TBC1D16: variants seen among roughly 807,000 people sequenced by gnomAD.
TBC1D16 encodes TBC1 domain family member 16, also known as CTD-2529O21.1.
A neutral mutation model predicts 74.7 loss-of-function variants in TBC1D16; 58 were observed. The observed-to-expected ratio is 0.78, with a 90% CI of 0.63 to 0.97. The LOEUF is 0.97. Among genes scored for constraint, TBC1D16 ranks in the 50% least tolerant of loss-of-function variants. The pLI is 0.00. For missense variants in TBC1D16, 1,014 were observed against 1,079.5 expected, an observed-to-expected ratio of 0.94 and a Z score of 0.85; for synonymous variants, 493 against 474.7, an observed-to-expected ratio of 1.04 and a Z score of -0.50.
Position 79,949,740 on chromosome 17 carries a change from C to T in TBC1D16, c.1383G>A (p.Glu461=), listed in dbSNP as rs746712008. The T allele has an allele frequency of 6.2e-7, 1 of 1,612,666 alleles. No individual in the cohort carries two copies. Among genetic ancestry groups the T allele is most frequent in the South Asian group, 1.1e-5 (1 of 91,066 alleles). ...REALRLQKRK[E]YSEIQQKRLS... ...ACCTTTTCTGCTGGATCTCAGAGTACTCCTTTCGCTTCTGCAGCCGCAGCG... is the reference window on the plus strand; with the variant it reads ...ACCTTTTCTGCTGGATCTCAGAGTATTCCTTTCGCTTCTGCAGCCGCAGCG... Residue 461 remains glutamate (E), a synonymous_variant, in exon 7 of 12, where the codon GAG becomes GAA. Coordinates refer to ENST00000310924, the MANE Select transcript of TBC1D16 (RefSeq NM_019020.4).
In TBC1D16 at chr17:79,941,831, G is replaced by C. The variant is rs2032026379; in HGVS notation, c.2055+229C>G. On this transcript the variant is annotated intron_variant, in intron 11 of 11. Transcript: ENST00000310924. The surrounding 1 kb of genome is among the most constrained non-coding windows in gnomAD (Gnocchi z 4.3). ...CTCCTGTGTCAGGGCTGGCACCCCA[G>C]GAAAGTGAGGTGACACAGCCAGGCC... Among the ~76,000 whole-genome samples the C allele has an allele frequency of 6.6e-6, 1 of 151,764 alleles. No homozygotes were observed. The highest frequency in any genetic ancestry group is 2.1e-4 in the South Asian group (1 of 4,836).
rs748935195 is a variant in TBC1D16, at chr17:79,951,557, G to A, written c.982C>T (p.Arg328Ter). Residue 328 changes from arginine (R) to a stop codon, truncating the protein, a stop_gained, in exon 5 of 12, where the codon CGA (arginine) becomes TGA (stop). Transcript: ENST00000310924. LOFTEE classifies it high-confidence loss of function. ...CTSGQLVVASRESQYKVFHFH... is the reference protein window; with the variant it reads ...CTSGQLVVAS ...TGGAAAACCTTGTACTGGCTCTCTC[G>A]GCTGGCAACGACCAGCTGGCCGCTG... 3.1e-6 allele frequency: 5 copies of A among 1,613,992 alleles called. No individual in the cohort carries two copies. Among genetic ancestry groups the A allele is most frequent in the East Asian group, 2.2e-5 (1 of 44,882 alleles).
chr17:79,950,945 G>C lies in TBC1D16; in HGVS notation c.1090-367C>G. The C allele has an allele frequency of 8.4e-7, 1 of 1,185,926 alleles. No individual in the cohort carries two copies. Among genetic ancestry groups the C allele is most frequent in the South Asian group, 1.6e-5 (1 of 61,846 alleles). The allele number at this position is 1,185,926 out of a possible 1,614,324, so 73.5% of individuals were successfully genotyped here. On this transcript the variant is annotated intron_variant, in intron 5 of 11. Transcript: ENST00000310924. The surrounding 1 kb of genome is among the most constrained non-coding windows in gnomAD (Gnocchi z 4.6). ...ACATACAAAGGGATCGCTGTTCTGC[G>C]AGCAGGGAGCCAGCCTGTCAGATTG... is the stretch of plus-strand genomic sequence containing the variant.
intron 1 of TBC1D16, chr17:80,025,792 C>T (rs900707931): frequency 1.3e-5 from 2 of 149,826 alleles, no homozygotes; most frequent in African/African-American, 2.6e-5. Flanking sequence ...CGGTGTCACA[C>T]GGTTCCTTCT....
rs1235308569 is a variant in TBC1D16 at position 79,986,971 on chromosome 17, C to A, written c.779+23189G>T. On this transcript the variant is annotated intron_variant, in intron 3 of 11. Transcript: ENST00000310924. The surrounding 1 kb of genome is among the most constrained non-coding windows in gnomAD (Gnocchi z 6.0). ...TTCCCGGGATGGCCTTGTAGCAAAT[C>A]CATCTGGGATATGTTTTGTTTCCAC... Among the ~76,000 whole-genome samples the A allele has an allele frequency of 6.6e-6, 1 of 152,242 alleles. No individual in the cohort carries two copies. The highest frequency in any genetic ancestry group is 1.5e-5 in the Non-Finnish European group (1 of 68,046).
In TBC1D16 at chr17:79,979,725, C is replaced by T. The variant is rs2034498581; in HGVS notation, c.780-26907G>A. ...CAGGCCGCAAATCCCACGGTTCTCA[C>T]TAGGAGCAGGAAAGGACCCTGGTCT... is the stretch of plus-strand genomic sequence containing the variant. On this transcript the variant is annotated intron_variant, in intron 3 of 11. Coordinates refer to ENST00000310924, the MANE Select transcript of TBC1D16 (RefSeq NM_019020.4). This position sits in a 1 kb window ranked among gnomAD's most constrained non-coding sequence, Gnocchi z 4.8. Among the ~76,000 whole-genome samples, 1 of 151,930 alleles carries T rather than the reference C, an allele frequency of 6.6e-6. No homozygotes were observed. Among genetic ancestry groups the T allele is most frequent in the South Asian group, 2.1e-4 (1 of 4,808 alleles).
In TBC1D16 at chr17:80,013,466, C is replaced by T. The variant is rs760037296; in HGVS notation, c.82G>A (p.Gly28Arg). The T allele has an allele frequency of 1.0e-5, 16 of 1,595,974 alleles. No homozygotes were observed. Among genetic ancestry groups the T allele is most frequent in the African/African-American group, 5.4e-5 (4 of 74,674 alleles). ...LTLTPGGSGSGSPSVLDGEII... is the reference protein window; with the variant it reads ...LTLTPGGSGSRSPSVLDGEII... ...TCTCCATCCAGGACAGAGGGGGACC[C>T]GCTGCCGCTGCCACCGGGGGTGAGG... Residue 28 changes from glycine to arginine, a missense_variant, in exon 2 of 12, where the codon GGG (glycine) becomes AGG (arginine). Transcript: ENST00000310924.
rs770393153 is a variant in TBC1D16 at position 80,008,196 on chromosome 17, C to T, written c.779+1964G>A. 4.6e-5 allele frequency among the ~76,000 whole-genome samples: 7 copies of T among 152,024 alleles called. No homozygotes were observed. Among genetic ancestry groups the T allele is most frequent in the Admixed American group, 1.3e-4 (2 of 15,264 alleles). ...GTTGAAGAACCAGCAAGGCGAAGGG[C>T]GGGGAAAAGCGAACCGGGGTGCATT... On this transcript the variant is annotated intron_variant, in intron 3 of 11. Transcript: ENST00000310924. The surrounding 1 kb of genome is among the most constrained non-coding windows in gnomAD (Gnocchi z 4.5).
chr17:80,003,659 A>C (rs1435327847), intron 3 of TBC1D16, among the ~76,000 whole-genome samples: 1 of 151,916 alleles, frequency 6.6e-6, no homozygotes, highest in Admixed American at 6.6e-5. Flanking sequence ...AAAAAAAAAA[A>C]GTGCTCATAA....
Position 79,994,878 on chromosome 17 carries a change from A to G in TBC1D16, c.779+15282T>C, listed in dbSNP as rs899808420. On this transcript the variant is annotated intron_variant, in intron 3 of 11. Transcript: ENST00000310924. The surrounding 1 kb of genome is among the most constrained non-coding windows in gnomAD (Gnocchi z 4.6). ...AGGACTTGGTAAACAGAGAGAATGT[A>G]AAACACTTCCCATCGGCGGCCGTGT... Among the ~76,000 whole-genome samples, 1 of 152,258 alleles carries G rather than the reference A, an allele frequency of 6.6e-6. No individual in the cohort carries two copies. Among genetic ancestry groups the G allele is most frequent in the Non-Finnish European group, 1.5e-5 (1 of 68,046 alleles).
chr17:79,941,144 G>C lies in TBC1D16; in HGVS notation c.2056-37C>G. The C allele has an allele frequency of 6.6e-7, 1 of 1,521,164 alleles. No homozygotes were observed. The highest frequency in any genetic ancestry group is 2.4e-5 in the East Asian group (1 of 40,992). 94.2% of individuals were successfully genotyped at this position (1,521,164 alleles called of 1,614,324 possible). ...GGACGGGGGGTGAGGAGGGGCCGGG[G>C]GACAGCCTGGCAGCCTAGGGTCCCC... On this transcript the variant is annotated intron_variant, in intron 11 of 11. Coordinates refer to ENST00000310924, the MANE Select transcript of TBC1D16 (RefSeq NM_019020.4). This position sits in a 1 kb window ranked among gnomAD's most constrained non-coding sequence, Gnocchi z 4.3.
intron 10 of TBC1D16, among the ~76,000 whole-genome samples, chr17:79,943,629 A>G (rs12450588): frequency 0.91 from 135,725 of 149,764 alleles, 61,534 homozygotes; most frequent in East Asian, 0.97. Flanking sequence ...TGGCTAAATC[A>G]AGCCCACAGT....
intron 3 of TBC1D16, among the ~76,000 whole-genome samples, chr17:79,966,655 C>T (rs1412181674): frequency 6.6e-6 from 1 of 152,204 alleles, no homozygotes; most frequent in Non-Finnish European, 1.5e-5. Flanking sequence ...CCCTTTATCC[C>T]TTGGAAAATC....
In TBC1D16 at chr17:79,933,994, T is replaced by G. The variant is rs1274353271; in HGVS notation, c.*6865A>C. ...TGTGCGGCTGGTTGAGTGTAAACGC[T>G]GAGTCATGCTCGCTGCCCAGCTGTG... On this transcript the variant is annotated 3_prime_UTR_variant, in exon 12 of 12. Coordinates refer to ENST00000310924, the MANE Select transcript of TBC1D16 (RefSeq NM_019020.4). The G allele has an allele frequency of 4.6e-5, 7 of 152,198 alleles. No homozygotes were observed. Among genetic ancestry groups the G allele is most frequent in the Admixed American group, 3.9e-4 (6 of 15,290 alleles). 9.4% of individuals were successfully genotyped at this position (152,198 alleles called of 1,614,324 possible). A position where few individuals can be genotyped will look rare whatever the true frequency, so the allele number is the denominator to read the frequency against.
At chr17:79,969,844 A>G (rs2034002999) in intron 3 of TBC1D16, among the ~76,000 whole-genome samples, 1 of 152,324 alleles carries the variant, frequency 6.6e-6, no homozygotes, top group South Asian at 2.1e-4. Flanking sequence ...TGGGAGGCCG[A>G]GGCAGGAGAA....
Position 80,007,295 on chromosome 17 carries a change from C to T in TBC1D16, c.779+2865G>A, listed in dbSNP as rs775991486. Among the ~76,000 whole-genome samples, 13 of 152,156 alleles carry T rather than the reference C, an allele frequency of 8.5e-5. No homozygotes were observed. Among genetic ancestry groups the T allele is most frequent in the Non-Finnish European group, 1.8e-4 (12 of 68,016 alleles). ...GTGGGGACGAGTCCCAGGCCAGGCT[C>T]GCTGACCCCATACCCCAGGCTGGTG... On this transcript the variant is annotated intron_variant, in intron 3 of 11. Transcript: ENST00000310924. This position sits in a 1 kb window ranked among gnomAD's most constrained non-coding sequence, Gnocchi z 4.5.
chr17:79,973,603 A>C (rs2034206803), intron 3 of TBC1D16, among the ~76,000 whole-genome samples: 1 of 151,976 alleles, frequency 6.6e-6, no homozygotes, highest in Admixed American at 6.6e-5. Flanking sequence ...CCAGCTACTC[A>C]GGAGGCTGAG....
chr17:79,991,520 C>T (rs1310069194), intron 3 of TBC1D16, among the ~76,000 whole-genome samples: 2 of 152,136 alleles, frequency 1.3e-5, no homozygotes, highest in Non-Finnish European at 2.9e-5. Context: ...ACCAGGGGGA[C>T]CTGGCCCAAG....
In TBC1D16 at chr17:79,944,781, T is replaced by G; in HGVS notation, c.1908+127A>C. 1 of 851,452 alleles carries G rather than the reference T, an allele frequency of 1.2e-6. No homozygotes were observed. The highest frequency in any genetic ancestry group is 1.8e-6 in the Non-Finnish European group (1 of 569,496). The allele number at this position is 851,452 out of a possible 1,614,324, so 52.7% of individuals were successfully genotyped here. On this transcript the variant is annotated intron_variant, in intron 10 of 11. Coordinates refer to ENST00000310924, the MANE Select transcript of TBC1D16 (RefSeq NM_019020.4). The surrounding 1 kb of genome is among the most constrained non-coding windows in gnomAD (Gnocchi z 7.7). ...ACGTGGGACGGGAAGGCAGTCGCCG[T>G]ATGGGGGGCTAATGTGTGGCTGTGG...
Sources: gnomAD v4.1 joint callset for allele counts (sites outside exome capture counted in the v4.1 genomes callset) on GRCh38, gnomAD v4.1.1 for gene constraint, Gnocchi (gnomAD v3.1) non-coding constraint, MANE v1.5 for transcripts, NCBI Gene and HGNC (gene_info 2026-07-23, HGNC 2026-07-21) for gene names.